Variants in AFDN observed in about 807,000 individuals in gnomAD.
AFDN encodes afadin.
Under a neutral mutation model 216.6 loss-of-function variants are expected in AFDN, and 68 were observed. The observed-to-expected ratio is 0.31, with a 90% confidence interval of 0.26 to 0.38. The LOEUF is 0.38. Ranked by LOEUF, AFDN falls within the 10% of genes least tolerant of loss-of-function variation. AFDN has a pLI of 1.00. For synonymous variants in AFDN, 868 were observed against 853.7 expected (o/e 1.02, Z -0.29); for missense variants, 2,136 against 2,342.0 (o/e 0.91, Z 1.82).
chr6:167,880,244 T>A lies in AFDN; in HGVS notation c.740-116T>A, dbSNP rs1465435794. ...CAATAGTTATTAGGCAGATTGTCTT[T>A]ACACTCATTTTAGCTAGAATGCAGG... On this transcript the variant is annotated intron_variant, in intron 5 of 33. Coordinates refer to ENST00000683244, the MANE Select transcript of AFDN (RefSeq NM_001386888.1). 6 of 895,684 alleles carry A rather than the reference T, an allele frequency of 6.7e-6. No homozygotes were observed. In the Admixed American group the frequency reaches 1.3e-4, roughly 20 times the overall value. The allele number at this position is 895,684 out of a possible 1,614,324, so 55.5% of individuals were successfully genotyped here.
rs1335759858 is a variant in AFDN at position 167,913,660 on chromosome 6, C to CT, written c.2058+240dup. On this transcript the variant is annotated intron_variant, in intron 16 of 33. Coordinates refer to ENST00000683244, the MANE Select transcript of AFDN (RefSeq NM_001386888.1). ...AAATGACAAAAGTTCTGTTTCTTCT[C>CT]TTTATTATTTATCCTTGGTTCCTAT... 5.6e-6 allele frequency: 3 copies of CT among 539,654 alleles called. No individual in the cohort carries two copies. In the African/African-American group the frequency reaches 5.7e-5, roughly 10 times the overall value. The allele number at this position is 539,654 out of a possible 1,614,324, so 33.4% of individuals were successfully genotyped here.
rs1210241242 is a variant in AFDN, at chr6:167,870,450, G to T, written c.366G>T (p.Arg122=). ...VVQLNWNKDD[R]EGRFVLKNEN... ...AACTGAATTGGAACAAAGATGATCG[G>T]GAAGGCAGATTTGTTCTTAAGAATG... Residue 122 remains arginine (R), a synonymous_variant, in exon 3 of 34, where the codon CGG becomes CGT. Coordinates refer to ENST00000683244, the MANE Select transcript of AFDN (RefSeq NM_001386888.1). 6.2e-7 allele frequency: 1 copy of T among 1,612,204 alleles called. No individual in the cohort carries two copies. Among genetic ancestry groups the T allele is most frequent in the Non-Finnish European group, 8.5e-7 (1 of 1,179,120 alleles).
chr6:167,896,651 C>G (rs1207955065), intron 9 of AFDN, among the ~76,000 whole-genome samples: 4 of 152,158 alleles, frequency 2.6e-5, no homozygotes, highest in African/African-American at 9.7e-5. Flanking sequence ...GGAATTAATG[C>G]TAGTGTTAGC....
Position 167,872,238 on chromosome 6 carries a change from A to C in AFDN, c.439A>C (p.Lys147Gln). Reference protein sequence around the residue: ...PKKAQSNGPEKQEKEGVIQNF... With the variant: ...PKKAQSNGPEQQEKEGVIQNF... ...GAAGGCTCAAAGTAATGGACCTGAAAAGCAGGAAAAAGAAGGGGTTATCCA... is the reference window on the plus strand; with the variant it reads ...GAAGGCTCAAAGTAATGGACCTGAACAGCAGGAAAAAGAAGGGGTTATCCA... Residue 147 changes from lysine (K) to glutamine (Q), a missense_variant, in exon 4 of 34, where the codon AAG becomes CAG. Lys to Gln is a moderately conservative substitution (Grantham distance 53). Around this residue, in one of 8 missense-constraint regions of AFDN, gnomAD observed 817 missense variants for 965.7 expected, o/e 0.85. Transcript: ENST00000683244. 1 of 1,612,070 alleles carries C rather than the reference A, an allele frequency of 6.2e-7. No homozygotes were observed. Among genetic ancestry groups the C allele is most frequent in the Non-Finnish European group, 8.5e-7 (1 of 1,179,526 alleles).
At chr6:167,963,593 G>A (rs1797249497) in intron 31 of AFDN, 1 of 1,057,798 alleles carries the variant, frequency 9.5e-7, no homozygotes, top group Non-Finnish European at 1.1e-6. Flanking sequence ...CACTTAAATG[G>A]AGTAGAGTGA....
intron 20 of AFDN, 74 bp downstream of exon 20, chr6:167,917,306 A>G: frequency 7.4e-7 from 1 of 1,347,798 alleles, no homozygotes; most frequent in Non-Finnish European, 9.8e-7. Context: ...AAAAAACAAA[A>G]GGAAATCCTA....
chr6:167,829,479 C>G (rs1020897936), intron 1 of AFDN, among the ~76,000 whole-genome samples: 2 of 151,876 alleles, frequency 1.3e-5, no homozygotes, highest in Admixed American at 1.3e-4. Context: ...TATTTTTACT[C>G]TATTTGGCCA....
intron 6 of AFDN, among the ~76,000 whole-genome samples, chr6:167,888,111 A>C (rs555962137): frequency 6.6e-6 from 1 of 152,202 alleles, no homozygotes; most frequent in Admixed American, 6.5e-5. Context: ...TTTGATAAAG[A>C]TTGAGACTAA....
At chr6:167,924,199 A>G (rs1478496898) in intron 22 of AFDN, among the ~76,000 whole-genome samples, 1 of 152,214 alleles carries the variant, frequency 6.6e-6, no homozygotes, top group Non-Finnish European at 1.5e-5. Context: ...AGCCATATGT[A>G]TAATTACCAC....
chr6:167,941,816 C>G (rs2128621635), intron 23 of AFDN, among the ~76,000 whole-genome samples: 1 of 152,030 alleles, frequency 6.6e-6, no homozygotes, highest in Middle Eastern at 3.4e-3. Flanking sequence ...TGGACAGACA[C>G]AGAGGGATGA....
At position 167,971,191 on chromosome 6, in the gene AFDN, GTACC is replaced by G. The variant is rs1343522746; in HGVS notation, c.*1257_*1260del. 1 of 219,928 alleles carries G rather than the reference GTACC, an allele frequency of 4.5e-6. No homozygotes were observed. Among genetic ancestry groups the G allele is most frequent in the African/African-American group, 2.2e-5 (1 of 44,586 alleles). 13.6% of individuals were successfully genotyped at this position (219,928 alleles called of 1,614,324 possible). Reference sequence around the variant, plus strand: ...TTGGTGGAGTCCAAATGATTTTTCTGTACCATATTGTTCTCTTACACATACGTAT... The same window carrying G: ...TTGGTGGAGTCCAAATGATTTTTCTGATATTGTTCTCTTACACATACGTAT... On this transcript the variant is annotated 3_prime_UTR_variant, in exon 34 of 34. Coordinates refer to ENST00000683244, the MANE Select transcript of AFDN (RefSeq NM_001386888.1).
At chr6:167,948,202 T>G in intron 28 of AFDN, 91 bp from the exon 29 acceptor site, 1 of 1,127,948 alleles carries the variant, frequency 8.9e-7, no homozygotes. Flanking sequence ...TAACATATAC[T>G]ATTTTTTAAA....
chr6:167,851,039 A>G (rs1421326383), intron 1 of AFDN, among the ~76,000 whole-genome samples: 1 of 151,956 alleles, frequency 6.6e-6, no homozygotes, highest in Admixed American at 6.6e-5. Context: ...TCCTGCCTCA[A>G]CCTCCTGCTG....
chr6:167,905,510 G>A (rs906043455), intron 12 of AFDN, among the ~76,000 whole-genome samples: 7 of 152,182 alleles, frequency 4.6e-5, no homozygotes, highest in South Asian at 2.1e-4. Context: ...TGATAGTAAT[G>A]TTGTGAGGGG....
chr6:167,875,612 C>A, intron 5 of AFDN, 117 bp downstream of exon 5: 1 of 1,048,578 alleles, frequency 9.5e-7, no homozygotes, highest in Non-Finnish European at 1.4e-6. Context: ...CTTTTCATAA[C>A]AAATGTGTAC....
chr6:167,899,717 A>G (rs1788708809), intron 11 of AFDN, among the ~76,000 whole-genome samples: 1 of 152,108 alleles, frequency 6.6e-6, no homozygotes, highest in Non-Finnish European at 1.5e-5. Context: ...GTCCAAAGAG[A>G]TTATGTATTG....
chr6:167,935,060 A>G (rs892451571), intron 23 of AFDN, among the ~76,000 whole-genome samples: 1 of 152,070 alleles, frequency 6.6e-6, no homozygotes, highest in African/African-American at 2.4e-5. Context: ...TTGTTCATTT[A>G]TTGCCATTCT....
chr6:167,865,895 C>G (rs540165255), intron 2 of AFDN, among the ~76,000 whole-genome samples: 1 of 151,684 alleles, frequency 6.6e-6, no homozygotes, highest in Non-Finnish European at 1.5e-5. Flanking sequence ...GTGACTAAAT[C>G]CTTTTTCCCT....
At chr6:167,958,921 C>T (rs1796777739) in intron 30 of AFDN, among the ~76,000 whole-genome samples, 1 of 152,146 alleles carries the variant, frequency 6.6e-6, no homozygotes, top group East Asian at 1.9e-4. Context: ...GAAAATGGGC[C>T]CTGCCCAGAA....
Sources: allele counts gnomAD v4.1 joint callset (sites outside exome capture counted in the v4.1 genomes callset), GRCh38; gene constraint gnomAD v4.1.1; regional missense constraint gnomAD v4.1.1; transcripts MANE v1.5; gene names NCBI Gene and HGNC (gene_info 2026-07-23, HGNC 2026-07-21).